The following DCDC2 variants were observed in gnomAD, a reference collection of about 807,000 sequenced individuals.
DCDC2 encodes the protein doublecortin domain-containing protein 2.
Under a neutral mutation model 50.2 loss-of-function variants are expected in DCDC2, and 40 were observed. The observed-to-expected ratio is 0.80, with a 90% CI of 0.62 to 1.04. DCDC2 has a LOEUF of 1.04. DCDC2 is among the 50% of genes least tolerant of loss of function. The pLI is 0.00. For missense variants in DCDC2, 570 were observed against 581.9 expected (o/e 0.98, Z 0.21); for synonymous variants, 234 against 210.6 (o/e 1.11, Z -0.96).
chr6:24,275,353 T>C (rs959461244), intron 7 of DCDC2, among the ~76,000 whole-genome samples: 3 of 152,212 alleles, frequency 2.0e-5, no homozygotes, highest in African/African-American at 7.2e-5. Flanking sequence ...AGTATGGACT[T>C]AAGCTAATAT....
intron 7 of DCDC2, among the ~76,000 whole-genome samples, chr6:24,216,143 G>T (rs1474607648): frequency 1.3e-5 from 2 of 152,108 alleles, no homozygotes; most frequent in Non-Finnish European, 2.9e-5. Flanking sequence ...CTGTTAATTA[G>T]AATAAAGTTC....
intron 8 of DCDC2, among the ~76,000 whole-genome samples, chr6:24,199,431 CA>C (rs763060394): frequency 6.6e-6 from 1 of 152,016 alleles, no homozygotes; most frequent in African/African-American, 2.4e-5. Context: ...CTGACTGTTA[CA>C]AGAAAAACTA....
At chr6:24,236,573 C>A (rs1247578333) in intron 7 of DCDC2, among the ~76,000 whole-genome samples, 1 of 152,100 alleles carries the variant, frequency 6.6e-6, no homozygotes, top group African/African-American at 2.4e-5. Context: ...AGAGCTTCTG[C>A]ACACCAAAGA....
chr6:24,353,462 A>G (rs1760408729), intron 2 of DCDC2, 107 bp downstream of exon 2: 21 of 695,276 alleles, frequency 3.0e-5, no homozygotes, highest in Non-Finnish European at 5.2e-5. Context: ...ATTTCTTTAC[A>G]TTAGAGAACT....
At chr6:24,279,729 A>G (rs1181649364) in intron 6 of DCDC2, among the ~76,000 whole-genome samples, 2 of 152,242 alleles carry the variant, frequency 1.3e-5, no homozygotes, top group African/African-American at 4.8e-5. Context: ...AACCCCAGAT[A>G]CATGGCTGAG....
At chr6:24,266,933 AG>A (rs1460682386) in intron 7 of DCDC2, among the ~76,000 whole-genome samples, 2 of 152,218 alleles carry the variant, frequency 1.3e-5, no homozygotes, top group Admixed American at 1.3e-4. Context: ...GAATGAATAA[AG>A]AAAACGTGGT....
At chr6:24,336,635 A>G (rs974548572) in intron 2 of DCDC2, among the ~76,000 whole-genome samples, 12 of 152,140 alleles carry the variant, frequency 7.9e-5, no homozygotes, top group African/African-American at 2.9e-4. Flanking sequence ...TTACATTTAC[A>G]TTTACATTTA....
At chr6:24,284,188 G>A (rs970312163) in intron 6 of DCDC2, among the ~76,000 whole-genome samples, 5 of 152,078 alleles carry the variant, frequency 3.3e-5, no homozygotes, top group African/African-American at 4.8e-5. Flanking sequence ...ATAGATGTCC[G>A]CCCCCACTGC....
At chr6:24,279,672 G>A (rs1483332312) in intron 6 of DCDC2, among the ~76,000 whole-genome samples, 1 of 152,226 alleles carries the variant, frequency 6.6e-6, no homozygotes, top group African/African-American at 2.4e-5. Flanking sequence ...TTACCTGAGA[G>A]TATGTGGTGA....
At chr6:24,275,542 GA>G (rs908094963) in intron 7 of DCDC2, among the ~76,000 whole-genome samples, 3 of 151,100 alleles carry the variant, frequency 2.0e-5, no homozygotes, top group Non-Finnish European at 4.4e-5. Context: ...GTTAGTGAAG[GA>G]AAAAAAAATT....
rs139257391 is a variant in DCDC2, at chr6:24,226,589, A to C, written c.923-21487T>G. On this transcript the variant is annotated intron_variant, in intron 7 of 9. Coordinates refer to ENST00000378454, the MANE Select transcript of DCDC2 (RefSeq NM_016356.5). ...GACTGTGATCCTATCTGTGTTTCAG[A>C]ACAATAATTTGTGACAGTGTCAAGA... 4.9e-3 allele frequency among the ~76,000 whole-genome samples: 754 copies of C among 152,384 alleles called. 1 individual carries two copies. The highest frequency in any genetic ancestry group is 7.7e-3 in the Non-Finnish European group (523 of 68,042).
At chr6:24,176,979 G>C (rs1760930639) in intron 9 of DCDC2, among the ~76,000 whole-genome samples, 1 of 152,174 alleles carries the variant, frequency 6.6e-6, no homozygotes. Flanking sequence ...TGGAAGGACA[G>C]GCAATCCATT....
chr6:24,190,354 G>A (rs916450684), intron 8 of DCDC2, among the ~76,000 whole-genome samples: 14 of 152,132 alleles, frequency 9.2e-5, no homozygotes, highest in African/African-American at 2.9e-4. Flanking sequence ...GTGAGAACAT[G>A]CGATGTTTGG....
chr6:24,305,632 G>T (rs1759456965), intron 2 of DCDC2, among the ~76,000 whole-genome samples: 1 of 152,090 alleles, frequency 6.6e-6, no homozygotes, highest in Admixed American at 6.6e-5. Context: ...GGTACTCTAG[G>T]GACATGATGG....
intron 2 of DCDC2, among the ~76,000 whole-genome samples, chr6:24,334,089 T>C (rs868808381): frequency 1.5e-4 from 23 of 152,320 alleles, no homozygotes; most frequent in African/African-American, 4.6e-4. Flanking sequence ...GTACAGTAAT[T>C]CTGAAGCATG....
intron 8 of DCDC2, among the ~76,000 whole-genome samples, chr6:24,193,101 G>A (rs1761347458): frequency 6.6e-6 from 1 of 152,114 alleles, no homozygotes; most frequent in East Asian, 1.9e-4. Context: ...TCACAATTCT[G>A]AGAGAAATTA....
intron 7 of DCDC2, among the ~76,000 whole-genome samples, chr6:24,258,286 C>G (rs1762936935): frequency 6.6e-6 from 1 of 152,082 alleles, no homozygotes; most frequent in Non-Finnish European, 1.5e-5. Flanking sequence ...GGGGGGTGGC[C>G]AGCTTTTATT....
chr6:24,210,412 A>G (rs970246001), intron 7 of DCDC2, among the ~76,000 whole-genome samples: 1 of 152,136 alleles, frequency 6.6e-6, no homozygotes, highest in African/African-American at 2.4e-5. Flanking sequence ...TCCCCACCCT[A>G]AACTGCTCAT....
chr6:24,309,840 C>T (rs1307382393), intron 2 of DCDC2, among the ~76,000 whole-genome samples: 3 of 152,010 alleles, frequency 2.0e-5, no homozygotes, highest in African/African-American at 4.8e-5. Flanking sequence ...AATATAAAGA[C>T]GTGAGTAGGC....
Sources: gnomAD v4.1 joint callset for allele counts (sites outside exome capture counted in the v4.1 genomes callset) on GRCh38, gnomAD v4.1.1 for gene constraint, MANE v1.5 for transcripts, NCBI Gene and HGNC (gene_info 2026-07-23, HGNC 2026-07-21) for gene names.